PTPN3: variants seen among roughly 807,000 people sequenced by gnomAD.
The protein encoded by PTPN3 is protein tyrosine phosphatase non-receptor type 3.
Under a neutral mutation model 132.7 loss-of-function variants are expected in PTPN3, and 96 were observed. That is an observed-to-expected ratio of 0.72 (90% CI 0.61 to 0.86). The LOEUF (loss-of-function observed/expected upper bound fraction) is 0.86. Among genes scored for constraint, PTPN3 ranks in the 40% least tolerant of loss-of-function variants. The probability of loss-of-function intolerance (pLI) is 0.00; values close to 1 mark genes in which losing one functional copy is unlikely to be tolerated. For synonymous variants in PTPN3, 398 were observed against 429.0 expected (o/e 0.93, Z 0.89); for missense variants, 1,125 against 1,159.6 (o/e 0.97, Z 0.43).
chr9:109,432,395 G>A (rs1168418365), intron 10 of PTPN3, among the ~76,000 whole-genome samples: 2 of 151,958 alleles, frequency 1.3e-5, no homozygotes, highest in Non-Finnish European at 2.9e-5. Context: ...ATCTCCTGCC[G>A]TCTATGGCAC....
chr9:109,532,866 C>A, the PTPN3 span: 8 of 1,094,520 alleles, frequency 7.3e-6, 1 homozygote, highest in Admixed American at 6.6e-5. Context: ...CGGGAGCGGA[C>A]TAATTCTCAA....
rs369030027 is a variant in PTPN3, at chr9:109,491,045, CATT to C, written c.-18+7171_-18+7173del. Among the ~76,000 whole-genome samples the C allele has an allele frequency of 5.3e-3, 791 of 147,966 alleles. 5 individuals carry two copies. The highest frequency in any genetic ancestry group is 0.019 in the African/African-American group (755 of 40,202). Reference sequence around the variant, plus strand: ...ACCCTGTCACCACAAAAAATACAAACATTAGCCGGGCATGGTGGCACACGCCTG... The same window carrying C: ...ACCCTGTCACCACAAAAAATACAAACAGCCGGGCATGGTGGCACACGCCTG... On this transcript the variant is annotated intron_variant, in intron 1 of 25. Coordinates refer to ENST00000374541, the MANE Select transcript of PTPN3 (RefSeq NM_002829.4).
chr9:109,494,836 T>C (rs1564490572), intron 1 of PTPN3, among the ~76,000 whole-genome samples: 1 of 152,142 alleles, frequency 6.6e-6, no homozygotes, highest in African/African-American at 2.4e-5. Context: ...TAATACATGG[T>C]AGAGACTCAA....
chr9:109,389,100 C>G (rs1839837655), intron 22 of PTPN3, 133 bp downstream of exon 22: 1 of 1,203,332 alleles, frequency 8.3e-7, no homozygotes, highest in African/African-American at 1.5e-5. Context: ...ATTGGTTGCT[C>G]TGTAGAGGAG....
Position 109,457,363 on chromosome 9 carries a change from G to A in PTPN3, c.175C>T (p.His59Tyr), listed in dbSNP as rs1845618384. 6.2e-7 allele frequency: 1 copy of A among 1,614,154 alleles called. No homozygotes were observed. The highest frequency in any genetic ancestry group is 8.5e-7 in the Non-Finnish European group (1 of 1,180,018). ...TTTTCAGTCACACCCAGGTGGTTGT[G>A]CACCATATCCAGAAGAACCTGGCCA... ...DTGQVLLDMV[H>Y]NHLGVTEKEY... The change falls in exon 3 of 26, where the codon CAC becomes TAC. Residue 59 changes from histidine to tyrosine, a missense_variant. His to Tyr is a moderately conservative substitution (Grantham distance 83, BLOSUM62 2). Transcript: ENST00000374541.
rs780989989 is a variant in PTPN3, at chr9:109,463,379, T to C, written c.56A>G (p.Glu19Gly). The C allele has an allele frequency of 1.2e-6, 2 of 1,613,928 alleles. No individual in the cohort carries two copies. Among genetic ancestry groups the C allele is most frequent in the Non-Finnish European group, 8.5e-7 (1 of 1,179,988 alleles). ...GGRINNIRTSELPKEKTRSEV... is the reference protein window; with the variant it reads ...GGRINNIRTSGLPKEKTRSEV... ...TGATCGAGTTTTCTCTTTGGGTAAC[T>C]CCGAGGTGCGTATATTATTAATTCT... Residue 19 changes from glutamate to glycine, a missense_variant, in exon 2 of 26, where the codon GAG becomes GGG. Glu to Gly is a moderately conservative substitution (Grantham distance 98, BLOSUM62 -2). Coordinates refer to ENST00000374541, the MANE Select transcript of PTPN3 (RefSeq NM_002829.4).
At chr9:109,382,768 T>C (rs12377843) in intron 23 of PTPN3, among the ~76,000 whole-genome samples, 154 of 146,938 alleles carry the variant, frequency 1.0e-3, no homozygotes, top group Non-Finnish European at 1.8e-3. Flanking sequence ...TTTTTTTTTT[T>C]CAACTGTGGC....
chr9:109,437,404 A>G (rs948484658), intron 8 of PTPN3, among the ~76,000 whole-genome samples: 21 of 152,172 alleles, frequency 1.4e-4, no homozygotes, highest in African/African-American at 4.8e-4. Context: ...TAATTCTGGG[A>G]GAGAGGTTTG....
chr9:109,485,598 T>G (rs1458845866), intron 1 of PTPN3, among the ~76,000 whole-genome samples: 1 of 152,236 alleles, frequency 6.6e-6, no homozygotes, highest in East Asian at 1.9e-4. Context: ...CCTCTTCTCC[T>G]GTGACTGGCA....
At chr9:109,385,123 C>T (rs1330357814) in intron 22 of PTPN3, among the ~76,000 whole-genome samples, 2 of 152,174 alleles carry the variant, frequency 1.3e-5, no homozygotes, top group Non-Finnish European at 2.9e-5. Flanking sequence ...TCTGTACTGC[C>T]AGAGAGACTC....
chr9:109,493,781 A>G (rs573675057), intron 1 of PTPN3, among the ~76,000 whole-genome samples: 1 of 152,272 alleles, frequency 6.6e-6, no homozygotes, highest in African/African-American at 2.4e-5. Context: ...CGGCACATCT[A>G]TGTAAAGGCA....
chr9:109,538,239 G>A, the PTPN3 span, among the ~76,000 whole-genome samples: 12 of 152,256 alleles, frequency 7.9e-5, no homozygotes, highest in Admixed American at 2.0e-4. Flanking sequence ...ACAGTTTTCC[G>A]GAGGATGCCC....
intron 1 of PTPN3, among the ~76,000 whole-genome samples, chr9:109,491,005 A>G (rs983431951): frequency 1.3e-5 from 2 of 151,262 alleles, no homozygotes; most frequent in African/African-American, 4.9e-5. Context: ...CGAGACCAGC[A>G]TCCAACATGG....
At chr9:109,400,715 T>G (rs1020201186) in intron 19 of PTPN3, among the ~76,000 whole-genome samples, 3 of 152,234 alleles carry the variant, frequency 2.0e-5, no homozygotes, top group Non-Finnish European at 4.4e-5. Flanking sequence ...TGTTCCCTCA[T>G]GCCTACAACT....
At chr9:109,485,584 T>C (rs1365920195) in intron 1 of PTPN3, among the ~76,000 whole-genome samples, 1 of 152,158 alleles carries the variant, frequency 6.6e-6, no homozygotes, top group Non-Finnish European at 1.5e-5. Context: ...CCCCAGATCC[T>C]CGCCCTCTTC....
At chr9:109,468,080 C>T (rs1029746507) in intron 1 of PTPN3, among the ~76,000 whole-genome samples, 2 of 152,074 alleles carry the variant, frequency 1.3e-5, no homozygotes, top group African/African-American at 2.4e-5. Flanking sequence ...ACAATCTGGT[C>T]GGGACAATGG....
chr9:109,526,581 A>C, the PTPN3 span, among the ~76,000 whole-genome samples: 1 of 152,116 alleles, frequency 6.6e-6, no homozygotes, highest in African/African-American at 2.4e-5. Context: ...AGGCTGAGGC[A>C]GGAGGATCCC....
Position 109,433,099 on chromosome 9 carries a change from T to C in PTPN3, c.738A>G (p.Lys246=). ...IASAGVAVYR[K]YICTSFYPWV... ...AAGGATAGAAACTTGTGCAAATGTA[T>C]TTTCGGTACACAGCAACACCCGCGG... is the stretch of plus-strand genomic sequence containing the variant. Residue 246 remains lysine, a synonymous_variant, in exon 10 of 26, where the codon AAA becomes AAG. Coordinates refer to ENST00000374541, the MANE Select transcript of PTPN3 (RefSeq NM_002829.4). 6.2e-7 allele frequency: 1 copy of C among 1,614,166 alleles called. No homozygotes were observed. The highest frequency in any genetic ancestry group is 2.2e-5 in the East Asian group (1 of 44,884).
the PTPN3 span, among the ~76,000 whole-genome samples, chr9:109,522,852 T>C: frequency 2.6e-5 from 4 of 152,206 alleles, no homozygotes; most frequent in Non-Finnish European, 5.9e-5. Flanking sequence ...CATTCAACTT[T>C]AATTATAATA....
Sources: gnomAD v4.1 joint callset for allele counts (sites outside exome capture counted in the v4.1 genomes callset) on GRCh38, gnomAD v4.1.1 for gene constraint, MANE v1.5 for transcripts, NCBI Gene and HGNC (gene_info 2026-07-23, HGNC 2026-07-21) for gene names.